TMED10: variants seen among roughly 807,000 people sequenced by gnomAD.
TMED10 encodes transmembrane p24 trafficking protein 10.
A neutral mutation model predicts 23.1 loss-of-function variants in TMED10; 7 were observed. The observed-to-expected ratio is 0.30, with a 90% CI of 0.17 to 0.57. The LOEUF (loss-of-function observed/expected upper bound fraction) is 0.57. Among genes scored for constraint, TMED10 ranks in the 20% least tolerant of loss-of-function variants. The pLI is 0.91. For synonymous variants in TMED10, 113 were observed against 106.9 expected (o/e 1.06, Z -0.35); for missense variants, 162 against 274.8 (o/e 0.59, Z 2.90).
At chr14:75,166,138 T>C (rs1405592278) in intron 1 of TMED10, among the ~76,000 whole-genome samples, 3 of 152,182 alleles carry the variant, frequency 2.0e-5, no homozygotes, top group Non-Finnish European at 2.9e-5. Flanking sequence ...GGTAAAAACC[T>C]CCAGCGTGAC....
At chr14:75,152,641 G>A (rs1895968921) in intron 1 of TMED10, among the ~76,000 whole-genome samples, 1 of 152,190 alleles carries the variant, frequency 6.6e-6, no homozygotes, top group South Asian at 2.1e-4. Flanking sequence ...AGGAAGAAAA[G>A]CATACATAGA....
At chr14:75,158,951 C>T (rs894107918) in intron 1 of TMED10, among the ~76,000 whole-genome samples, 2 of 151,916 alleles carry the variant, frequency 1.3e-5, no homozygotes, top group East Asian at 3.9e-4. Flanking sequence ...TAAATAAATA[C>T]CTTAGAACCC....
At position 75,135,895 on chromosome 14, in the gene TMED10, G is replaced by T; in HGVS notation, c.412-9C>A. On this transcript the variant is annotated splice_polypyrimidine_tract_variant and intron_variant, in intron 3 of 4. Transcript: ENST00000303575. Reference sequence around the variant, plus strand: ...TTCTCAACTTTTGCAATCTGGAAAAGAATGGAATATTTTCAGCTCTCTGAA... The same window carrying T: ...TTCTCAACTTTTGCAATCTGGAAAATAATGGAATATTTTCAGCTCTCTGAA... 6.2e-7 allele frequency: 1 copy of T among 1,613,222 alleles called. No individual in the cohort carries two copies. Among genetic ancestry groups the T allele is most frequent in the Non-Finnish European group, 8.5e-7 (1 of 1,179,802 alleles).
At chr14:75,154,441 A>G (rs1212989843) in intron 1 of TMED10, among the ~76,000 whole-genome samples, 11 of 133,276 alleles carry the variant, frequency 8.3e-5, no homozygotes, top group African/African-American at 2.9e-4. Context: ...GGCATGTATC[A>G]CTGGATCACT....
intron 3 of TMED10, 120 bp downstream of exon 3, chr14:75,147,544 C>G: frequency 1.9e-6 from 2 of 1,060,094 alleles, no homozygotes; most frequent in South Asian, 1.3e-5. Context: ...CTGGCTGTCA[C>G]AAGACTGCTA....
intron 1 of TMED10, among the ~76,000 whole-genome samples, chr14:75,164,567 ATATATATATATTTTTTTTTTT>A (rs1896134248): frequency 1.0e-3 from 2 of 1,956 alleles, no homozygotes; most frequent in African/African-American, 2.5e-3. Flanking sequence ...ATATATATAT[ATATATATATATTTTTTTTTTT>A]TTTTTTGTAT....
Position 75,154,401 on chromosome 14 carries a change from CAAAAAAAAAAA to C in TMED10, c.226-2269_226-2259del, listed in dbSNP as rs1166201835. On this transcript the variant is annotated intron_variant, in intron 1 of 4. Transcript: ENST00000303575. Reference sequence around the variant, plus strand: ...TGGGCAACACAGCGAGACTCTGTCTCAAAAAAAAAAAAAAAAAAAAAAAAAAAAAGGCATGT... The same window carrying C: ...TGGGCAACACAGCGAGACTCTGTCTCAAAAAAAAAAAAAAAAAAGGCATGT... 3.3e-4 allele frequency among the ~76,000 whole-genome samples: 5 copies of C among 15,256 alleles called. No individual in the cohort carries two copies. In the East Asian group the frequency reaches 0.012, roughly 38 times the overall value. 10.0% of individuals were successfully genotyped at this position (15,256 alleles called of 152,430 possible). A position where few individuals can be genotyped will look rare whatever the true frequency, so the allele number is the denominator to read the frequency against.
intron 3 of TMED10, among the ~76,000 whole-genome samples, chr14:75,138,812 C>CTTTTTTTTTTTTT (rs59707221): frequency 7.1e-4 from 67 of 95,034 alleles, no homozygotes; most frequent in Non-Finnish European, 8.5e-4. Context: ...GCCTTTGCTT[C>CTTTTTTTTTTTTT]TTTTTTTTTT....
chr14:75,168,845 C>T (rs1002856319), intron 1 of TMED10, among the ~76,000 whole-genome samples: 8 of 152,308 alleles, frequency 5.3e-5, no homozygotes, highest in African/African-American at 1.9e-4. Context: ...AAACACTACA[C>T]TACATGAAAA....
intron 1 of TMED10, 61 bp downstream of exon 1, chr14:75,176,294 A>AGCCTCCCCTC (rs1313951205): frequency 6.3e-7 from 1 of 1,596,714 alleles, no homozygotes; most frequent in African/African-American, 1.3e-5. Context: ...CCCGAACCCG[A>AGCCTCCCCTC]GCCTCCCCTC....
intron 1 of TMED10, among the ~76,000 whole-genome samples, chr14:75,163,301 C>T (rs1283985809): frequency 1.3e-5 from 2 of 151,670 alleles, no homozygotes; most frequent in African/African-American, 4.8e-5. Context: ...GCCTGTAATC[C>T]CAGCACTTTG....
intron 1 of TMED10, among the ~76,000 whole-genome samples, chr14:75,166,313 G>A (rs1005478929): frequency 1.3e-5 from 2 of 152,164 alleles, no homozygotes; most frequent in Non-Finnish European, 2.9e-5. Context: ...TCAGGTCTGT[G>A]GCCAGCTGGC....
At position 75,176,555 on chromosome 14, in the gene TMED10, C is replaced by A. The variant is rs770201032; in HGVS notation, c.25G>T (p.Ala9Ser). The A allele has an allele frequency of 2.0e-5, 33 of 1,614,138 alleles. No homozygotes were observed. The South Asian group carries it at 2.5e-4, about 12-fold the overall frequency. The change falls in exon 1 of 5, where the codon GCC becomes TCC. Residue 9 changes from alanine (A) to serine (S), a missense_variant. This residue lies in a region of TMED10 where 36 missense variants were observed against 35.2 expected (regional missense o/e 1.02). Transcript: ENST00000303575. The part of the protein sequence containing the change: MSGLSGPP[A>S]RRGPFPLALL... Reference sequence around the variant, plus strand: ...GCTAACGGAAAAGGGCCGCGCCGGGCTGGTGGGCCAGACAAACCAGACATG... The same window carrying A: ...GCTAACGGAAAAGGGCCGCGCCGGGATGGTGGGCCAGACAAACCAGACATG...
At chr14:75,151,207 T>C (rs1326268898) in intron 2 of TMED10, among the ~76,000 whole-genome samples, 1 of 150,110 alleles carries the variant, frequency 6.7e-6, no homozygotes, top group Non-Finnish European at 1.5e-5. Context: ...GCCCGGCCAG[T>C]TTTTTTTGTT....
At chr14:75,165,915 T>C (rs1205401361) in intron 1 of TMED10, among the ~76,000 whole-genome samples, 1 of 151,954 alleles carries the variant, frequency 6.6e-6, no homozygotes, top group Non-Finnish European at 1.5e-5. Flanking sequence ...AGATGCTCTC[T>C]TCCTGCTTCT....
chr14:75,140,759 A>G (rs926837494), intron 3 of TMED10, among the ~76,000 whole-genome samples: 2 of 152,136 alleles, frequency 1.3e-5, no homozygotes, highest in Non-Finnish European at 2.9e-5. Flanking sequence ...AAAACAAAAA[A>G]CAAAAAACCT....
intron 3 of TMED10, among the ~76,000 whole-genome samples, chr14:75,138,428 T>C (rs567862219): frequency 7.9e-5 from 12 of 152,334 alleles, no homozygotes; most frequent in East Asian, 1.9e-4. Flanking sequence ...ATTTAACCAA[T>C]AGTTAATGCA....
intron 1 of TMED10, among the ~76,000 whole-genome samples, chr14:75,154,022 C>T (rs536304778): frequency 1.4e-3 from 218 of 151,122 alleles, no homozygotes; most frequent in African/African-American, 5.1e-3. Context: ...CAACCCGCCT[C>T]GGCTTCCCAA....
At chr14:75,165,987 TG>T (rs74620569) in intron 1 of TMED10, among the ~76,000 whole-genome samples, 1 of 55,090 alleles carries the variant, frequency 1.8e-5, no homozygotes, top group Non-Finnish European at 3.9e-5. Flanking sequence ...GGGGGAGGAG[TG>T]GGGGGGTAAG....
Sources: allele counts gnomAD v4.1 joint callset (sites outside exome capture counted in the v4.1 genomes callset), GRCh38; gene constraint gnomAD v4.1.1; regional missense constraint gnomAD v4.1.1; transcripts MANE v1.5; gene names NCBI Gene and HGNC (gene_info 2026-07-23, HGNC 2026-07-21).